Variants in PLXNA4 observed in about 807,000 individuals in gnomAD.
PLXNA4 encodes the protein plexin-A4.
In PLXNA4, 44 loss-of-function variants were observed where a neutral mutation model predicts 191.8. The observed-to-expected ratio is 0.23, with a 90% CI of 0.18 to 0.29. PLXNA4 has a LOEUF of 0.29. Ranked by LOEUF, PLXNA4 falls within the 10% of genes least tolerant of loss-of-function variation. The pLI is 1.00. For missense variants in PLXNA4, 1,800 were observed against 2,488.8 expected, an observed-to-expected ratio of 0.72 and a Z score of 5.89; for synonymous variants, 1,082 against 1,009.5, an observed-to-expected ratio of 1.07 and a Z score of -1.36.
At chr7:132,342,955 A>G (rs1327721052) in intron 3 of PLXNA4, among the ~76,000 whole-genome samples, 1 of 151,362 alleles carries the variant, frequency 6.6e-6, no homozygotes, top group Non-Finnish European at 1.5e-5. Context: ...TCAAAAAAAA[A>G]AAAAAAGAAA....
chr7:132,494,189 A>G (rs1252437449), intron 2 of PLXNA4, among the ~76,000 whole-genome samples: 3 of 152,162 alleles, frequency 2.0e-5, no homozygotes, highest in Non-Finnish European at 4.4e-5. Flanking sequence ...GTGAAGATGA[A>G]ATAGCAAAGG....
At chr7:132,488,986 G>A (rs879413072) in intron 3 of PLXNA4, among the ~76,000 whole-genome samples, 2 of 152,164 alleles carry the variant, frequency 1.3e-5, no homozygotes, top group Non-Finnish European at 2.9e-5. Flanking sequence ...TTGCCTTAAG[G>A]GCACAAGCCC....
intron 1 of PLXNA4, among the ~76,000 whole-genome samples, chr7:132,529,970 C>A (rs1020946342): frequency 6.6e-6 from 1 of 152,146 alleles, no homozygotes; most frequent in Non-Finnish European, 1.5e-5. Context: ...AACCCTGTCA[C>A]GTGCAGATGA....
At chr7:132,443,173 C>T (rs1795758452) in intron 3 of PLXNA4, among the ~76,000 whole-genome samples, 1 of 152,190 alleles carries the variant, frequency 6.6e-6, no homozygotes, top group Admixed American at 6.5e-5. Context: ...AGAAGCTTTG[C>T]CCAACTGAGG....
In PLXNA4 at chr7:132,244,629, C is replaced by T. The variant is rs539163584; in HGVS notation, c.1504-3463G>A. On this transcript the variant is annotated intron_variant, in intron 4 of 31. Coordinates refer to ENST00000321063, the MANE Select transcript of PLXNA4 (RefSeq NM_020911.2). ...GAGAGCTAGGTGCCACCTCCTTCAC[C>T]TTGCCAGGACCTTCCCAAGGAAGGA... Among the ~76,000 whole-genome samples the T allele has an allele frequency of 9.9e-5, 15 of 152,246 alleles. No individual in the cohort carries two copies. The South Asian group carries it at 2.5e-3, about 25-fold the overall frequency.
chr7:132,177,029 GTAAGTA>G (rs1348135294), intron 20 of PLXNA4, among the ~76,000 whole-genome samples: 6 of 146,574 alleles, frequency 4.1e-5, no homozygotes, highest in South Asian at 2.2e-4. Context: ...GTGTGAGTGT[GTAAGTA>G]TATGTCAGTG....
rs183587643 is a variant in PLXNA4, at chr7:132,511,635, T to A, written c.-86-2856A>T. On this transcript the variant is annotated intron_variant, in intron 1 of 31. Coordinates refer to ENST00000321063, the MANE Select transcript of PLXNA4 (RefSeq NM_020911.2). Reference sequence around the variant, plus strand: ...TGCACAGAGCCTCTGCCTAGCACAGTTAAGTGCTTAGGAAATGATAGTTGC... The same window carrying A: ...TGCACAGAGCCTCTGCCTAGCACAGATAAGTGCTTAGGAAATGATAGTTGC... Among the ~76,000 whole-genome samples, 206 of 152,242 alleles carry A rather than the reference T, an allele frequency of 1.4e-3. 2 individuals are homozygous for A. Among genetic ancestry groups the A allele is most frequent in the African/African-American group, 4.9e-3 (205 of 41,534 alleles).
At chr7:132,553,665 C>T (rs75049078) in intron 1 of PLXNA4, among the ~76,000 whole-genome samples, 1 of 152,324 alleles carries the variant, frequency 6.6e-6, no homozygotes, top group East Asian at 1.9e-4. Flanking sequence ...AAGCATCATG[C>T]TTTCTCTTTC....
chr7:132,531,093 T>A (rs1039207734), intron 1 of PLXNA4, among the ~76,000 whole-genome samples: 5 of 152,186 alleles, frequency 3.3e-5, no homozygotes, highest in African/African-American at 1.2e-4. Context: ...GGGGAGTTAT[T>A]AATGGCAACA....
At chr7:132,589,167 C>T (rs965881139) in intron 2 of PLXNA4, among the ~76,000 whole-genome samples, 6 of 152,056 alleles carry the variant, frequency 3.9e-5, no homozygotes, top group African/African-American at 1.4e-4. Flanking sequence ...AGTCACTACC[C>T]TTAGGGGGTT....
At chr7:132,159,063 A>T (rs1180965409) in intron 25 of PLXNA4, among the ~76,000 whole-genome samples, 1 of 152,216 alleles carries the variant, frequency 6.6e-6, no homozygotes, top group Non-Finnish European at 1.5e-5. Context: ...AGAAGGGAAG[A>T]GCCTCAGGCA....
Position 132,211,156 on chromosome 7 carries a change from G to T in PLXNA4, c.2098-13C>A, listed in dbSNP as rs749970333. On this transcript the variant is annotated splice_polypyrimidine_tract_variant and intron_variant, in intron 9 of 31. Transcript: ENST00000321063. ...GCTGGGGGCAGTCCTGGGGACAGAG[G>T]GCATGGCTCAGGCTGGGCAGCCAGG... 2 of 1,552,006 alleles carry T rather than the reference G, an allele frequency of 1.3e-6. No homozygotes were observed. Among genetic ancestry groups the T allele is most frequent in the South Asian group, 1.2e-5 (1 of 84,234 alleles).
Position 132,133,160 on chromosome 7 carries a change from G to T in PLXNA4, c.5478C>A (p.Asp1826Glu). The T allele has an allele frequency of 6.2e-7, 1 of 1,614,194 alleles. No individual in the cohort carries two copies. Among genetic ancestry groups the T allele is most frequent in the East Asian group, 2.2e-5 (1 of 44,890 alleles). Residue 1826 changes from aspartate to glutamate, a missense_variant, in exon 31 of 32, where the codon GAC (aspartate) becomes GAA (glutamate). By Grantham distance (45) the Asp-to-Glu change is conservative. Coordinates refer to ENST00000321063, the MANE Select transcript of PLXNA4 (RefSeq NM_020911.2). ...CAGCCAGGTATGCGTTCATGTCTTG[G>T]TCGCTGATGGCTGGCATCTTCCCTA... is the stretch of plus-strand genomic sequence containing the variant. Reference protein sequence around the residue: ...SDIGKMPAISDQDMNAYLAEQ... With the variant: ...SDIGKMPAISEQDMNAYLAEQ...
chr7:132,591,992 T>C (rs1309683179), intron 2 of PLXNA4, among the ~76,000 whole-genome samples: 1 of 152,106 alleles, frequency 6.6e-6, no homozygotes, highest in Non-Finnish European at 1.5e-5. Context: ...GTGTCTTGGC[T>C]GGTGGGAACT....
At chr7:132,577,555 T>C (rs533164783), upstream of PLXNA4, among the ~76,000 whole-genome samples, 1 of 151,690 alleles carries the variant, frequency 6.6e-6, no homozygotes, top group South Asian at 2.1e-4. Context: ...CCTCCCTACA[T>C]GCTCCCACCC....
In PLXNA4 at chr7:132,324,563, C is replaced by T. The variant is rs149433341; in HGVS notation, c.1372-26341G>A. On this transcript the variant is annotated intron_variant, in intron 3 of 31. Coordinates refer to ENST00000321063, the MANE Select transcript of PLXNA4 (RefSeq NM_020911.2). ...TGGCTATTATAAAGTGCTTGTTTCT[C>T]GTTAAAATGTAAAACTGAGATACCC... Among the ~76,000 whole-genome samples, 1,117 of 152,184 alleles carry T rather than the reference C, an allele frequency of 7.3e-3. 15 individuals are homozygous for T. Among genetic ancestry groups the T allele is most frequent in the African/African-American group, 0.026 (1,061 of 41,530 alleles).
At chr7:132,524,003 T>G (rs1353620427) in intron 1 of PLXNA4, among the ~76,000 whole-genome samples, 1 of 152,186 alleles carries the variant, frequency 6.6e-6, no homozygotes, top group Non-Finnish European at 1.5e-5. Context: ...AGAACCACAC[T>G]GTGTGTTCTG....
chr7:132,496,473 C>A (rs978842247), intron 2 of PLXNA4, among the ~76,000 whole-genome samples: 5 of 152,160 alleles, frequency 3.3e-5, no homozygotes, highest in Non-Finnish European at 7.3e-5. Flanking sequence ...ACAATCTTGG[C>A]TCACTGCAAC....
At chr7:132,554,242 G>A (rs1033118044) in intron 1 of PLXNA4, among the ~76,000 whole-genome samples, 2 of 152,170 alleles carry the variant, frequency 1.3e-5, no homozygotes, top group East Asian at 1.9e-4. Context: ...GTAGAGGATG[G>A]CAGTGACAAG....
Sources: allele counts gnomAD v4.1 joint callset (sites outside exome capture counted in the v4.1 genomes callset), GRCh38; gene constraint gnomAD v4.1.1; transcripts MANE v1.5; gene names NCBI Gene and HGNC (gene_info 2026-07-23, HGNC 2026-07-21).